The following VRK2 variants were observed in gnomAD, a reference collection of about 807,000 sequenced individuals.
The protein encoded by VRK2 is serine/threonine-protein kinase VRK2.
A neutral mutation model predicts 57.6 loss-of-function variants in VRK2; 60 were observed. That is an observed-to-expected ratio of 1.04 (90% CI 0.85 to 1.29). The LOEUF (loss-of-function observed/expected upper bound fraction) is 1.29, where lower values mean the gene tolerates loss of function less well. Among genes scored for constraint, VRK2 ranks in the 50% most tolerant of loss-of-function variants. The probability of loss-of-function intolerance (pLI) is 0.00; values close to 1 mark genes in which losing one functional copy is unlikely to be tolerated. For synonymous variants in VRK2, 231 were observed against 199.2 expected, an observed-to-expected ratio of 1.16 and a Z score of -1.35; for missense variants, 705 against 588.1, an observed-to-expected ratio of 1.20 and a Z score of -2.06.
intron 9 of VRK2, 41 bp from the exon 10 acceptor site, chr2:58,135,100 T>A: frequency 6.2e-7 from 1 of 1,607,700 alleles, no homozygotes; most frequent in East Asian, 2.2e-5. Context: ...AATCACAGGG[T>A]TGAAAACATG....
chr2:58,089,855 T>C, intron 7 of VRK2, 132 bp downstream of exon 7: 4 of 620,162 alleles, frequency 6.4e-6, no homozygotes, highest in Non-Finnish European at 1.1e-5. Context: ...TTATCTTACC[T>C]GCTTATCTAA....
chr2:57,964,185 C>T (rs541918993), intron 1 of VRK2, among the ~76,000 whole-genome samples: 10 of 152,102 alleles, frequency 6.6e-5, no homozygotes, highest in African/African-American at 1.9e-4. Flanking sequence ...TGACTGGAAG[C>T]GTAACTGATA....
intron 1 of VRK2, among the ~76,000 whole-genome samples, chr2:57,937,610 A>G (rs1336036567): frequency 2.6e-5 from 4 of 152,206 alleles, no homozygotes; most frequent in Non-Finnish European, 5.9e-5. Context: ...CAGGAAGTAA[A>G]CAGACCCAGC....
At chr2:58,100,648 T>C (rs1673824092) in intron 7 of VRK2, among the ~76,000 whole-genome samples, 1 of 151,856 alleles carries the variant, frequency 6.6e-6, no homozygotes, top group African/African-American at 2.4e-5. Context: ...AGGATTATTT[T>C]AAAATTATAT....
intron 1 of VRK2, among the ~76,000 whole-genome samples, chr2:58,016,880 C>G (rs189266306): frequency 6.6e-6 from 1 of 152,048 alleles, no homozygotes; most frequent in African/African-American, 2.4e-5. Flanking sequence ...CTGAAACTAC[C>G]AAATACTTTC....
At chr2:58,056,615 A>G (rs113919821) in intron 2 of VRK2, among the ~76,000 whole-genome samples, 1 of 137,046 alleles carries the variant, frequency 7.3e-6, no homozygotes, top group South Asian at 2.3e-4. Context: ...GTGGCTACTC[A>G]CCCCACTTCC....
At chr2:57,919,407 G>A (rs891748932) in intron 1 of VRK2, among the ~76,000 whole-genome samples, 2 of 152,008 alleles carry the variant, frequency 1.3e-5, no homozygotes, top group African/African-American at 4.8e-5. Context: ...TTATAAAAGT[G>A]ACTTTCGATT....
chr2:58,141,127 G>A (rs560370321), intron 11 of VRK2, among the ~76,000 whole-genome samples: 4 of 152,078 alleles, frequency 2.6e-5, no homozygotes, highest in African/African-American at 9.6e-5. Context: ...TGTTTTAACA[G>A]TTTTATTGAC....
chr2:57,958,411 G>A (rs950865987), intron 1 of VRK2, among the ~76,000 whole-genome samples: 1 of 148,062 alleles, frequency 6.8e-6, no homozygotes, highest in Non-Finnish European at 1.5e-5. Flanking sequence ...ATGTGTGTAT[G>A]TGTGTGTGTG....
intron 7 of VRK2, among the ~76,000 whole-genome samples, chr2:58,106,474 CTTTAA>C (rs1573133713): frequency 6.6e-6 from 1 of 151,944 alleles, no homozygotes; most frequent in East Asian, 1.9e-4. Flanking sequence ...TGTTTTGATA[CTTTAA>C]TTTATGGCAG....
intron 1 of VRK2, among the ~76,000 whole-genome samples, chr2:57,964,543 T>A (rs1671854548): frequency 6.6e-6 from 1 of 152,032 alleles, no homozygotes; most frequent in African/African-American, 2.4e-5. Context: ...ACTCATGCAG[T>A]GCAAAACTGT....
intron 1 of VRK2, among the ~76,000 whole-genome samples, chr2:57,949,810 G>A (rs1671370980): frequency 6.6e-6 from 1 of 152,176 alleles, no homozygotes; most frequent in African/African-American, 2.4e-5. Flanking sequence ...AGATGTGAAT[G>A]CAAAGGAAAA....
intron 1 of VRK2, among the ~76,000 whole-genome samples, chr2:57,909,158 C>T (rs537594087): frequency 6.6e-6 from 1 of 152,292 alleles, no homozygotes; most frequent in South Asian, 2.1e-4. Flanking sequence ...CTCAAATAAG[C>T]TCTCTAACAT....
chr2:58,043,082 T>C (rs921453688), upstream of VRK2, among the ~76,000 whole-genome samples: 5 of 152,216 alleles, frequency 3.3e-5, no homozygotes, highest in Admixed American at 3.3e-4. Flanking sequence ...TACAAATTTA[T>C]TAACATTTAA....
intron 8 of VRK2, among the ~76,000 whole-genome samples, 164 bp downstream of exon 8, chr2:58,123,397 T>C (rs17182870): frequency 0.08 from 12,178 of 152,306 alleles, 515 homozygotes; most frequent in South Asian, 0.13. Context: ...AATGAATATT[T>C]CTTCTAACAG....
At chr2:58,122,568 G>A (rs967636810) in intron 7 of VRK2, among the ~76,000 whole-genome samples, 28 of 152,228 alleles carry the variant, frequency 1.8e-4, no homozygotes, top group Non-Finnish European at 2.2e-4. Flanking sequence ...CGTTGAGTAC[G>A]CTGAGGAAGG....
chr2:58,123,708 C>T (rs934686866), intron 8 of VRK2, among the ~76,000 whole-genome samples: 12 of 151,912 alleles, frequency 7.9e-5, no homozygotes. Context: ...CAAAAAAATA[C>T]AAAAGGGTTG....
chr2:58,157,796 A>T (rs1475078295), intron 12 of VRK2, among the ~76,000 whole-genome samples: 1 of 152,264 alleles, frequency 6.6e-6, no homozygotes, highest in Non-Finnish European at 1.5e-5. Flanking sequence ...TTTACTTTCC[A>T]TACAGTTTTT....
chr2:57,930,789 T>C (rs1399309962), intron 1 of VRK2, among the ~76,000 whole-genome samples: 1 of 152,144 alleles, frequency 6.6e-6, no homozygotes, highest in Non-Finnish European at 1.5e-5. Flanking sequence ...CATCTATTCT[T>C]GTTTCTATGA....
Sources: allele counts gnomAD v4.1 joint callset (sites outside exome capture counted in the v4.1 genomes callset), GRCh38; gene constraint gnomAD v4.1.1; transcripts MANE v1.5; gene names NCBI Gene and HGNC (gene_info 2026-07-23, HGNC 2026-07-21).